Variants in DISC1 observed in about 807,000 individuals in gnomAD.
DISC1 encodes the protein disrupted in schizophrenia 1 protein.
Under a neutral mutation model 84.5 loss-of-function variants are expected in DISC1, and 57 were observed. The observed-to-expected ratio is 0.67, with a 90% CI of 0.55 to 0.84. The LOEUF is 0.84. Ranked by LOEUF, DISC1 falls within the 40% of genes least tolerant of loss-of-function variation. The probability of loss-of-function intolerance (pLI) is 0.00; values close to 1 mark genes in which losing one functional copy is unlikely to be tolerated. For synonymous variants in DISC1, 411 were observed against 415.2 expected, an observed-to-expected ratio of 0.99 and a Z score of 0.12; for missense variants, 1,000 against 1,057.8, an observed-to-expected ratio of 0.95 and a Z score of 0.76.
At position 231,641,969 on chromosome 1, in the gene DISC1, G is replaced by A. The variant is rs867981961; in HGVS notation, c.67+15035G>A. Among the ~76,000 whole-genome samples, 5 of 152,372 alleles carry A rather than the reference G, an allele frequency of 3.3e-5. No homozygotes were observed. The Middle Eastern group carries it at 0.014, about 415-fold the overall frequency. On this transcript the variant is annotated intron_variant, in intron 1 of 12. Coordinates refer to ENST00000439617, the MANE Select transcript of DISC1 (RefSeq NM_018662.3). ...TGCCTGCACTCCTCAGGCCTTGGGT[G>A]GTCGATGGGACTGGGCGCTGTGGAG...
At chr1:231,720,724 C>G in intron 3 of DISC1, 1 of 708,424 alleles carries the variant, frequency 1.4e-6, no homozygotes, top group Non-Finnish European at 2.1e-6. Flanking sequence ...ATTTTTTTCC[C>G]TTGGGGCTTT....
At position 231,630,325 on chromosome 1, in the gene DISC1, C is replaced by A. The variant is rs1042628665; in HGVS notation, c.67+3391C>A. Reference sequence around the variant, plus strand: ...TCATTAGACCAGAATTAGAATCATTCTTTTTTTTTCTTTTTTTAATTAAAA... The same window carrying A: ...TCATTAGACCAGAATTAGAATCATTATTTTTTTTTCTTTTTTTAATTAAAA... On this transcript the variant is annotated intron_variant, in intron 1 of 12. Transcript: ENST00000439617. The surrounding 1 kb of genome is among the most constrained non-coding windows in gnomAD (Gnocchi z 4.4). Among the ~76,000 whole-genome samples the A allele has an allele frequency of 7.3e-5, 11 of 151,284 alleles. No individual in the cohort carries two copies. Among genetic ancestry groups the A allele is most frequent in the Admixed American group, 2.6e-4 (4 of 15,164 alleles).
intron 9 of DISC1, among the ~76,000 whole-genome samples, chr1:231,875,046 A>G (rs1440093231): frequency 6.6e-6 from 1 of 152,166 alleles, no homozygotes; most frequent in Non-Finnish European, 1.5e-5. Flanking sequence ...CATCATCAGG[A>G]TGTGGCCATC....
intron 10 of DISC1, among the ~76,000 whole-genome samples, chr1:231,969,934 CT>C (rs1273623350): frequency 6.6e-6 from 1 of 152,122 alleles, no homozygotes; most frequent in Non-Finnish European, 1.5e-5. Context: ...TGAGCTCATC[CT>C]TTTTTATGGC....
intron 9 of DISC1, among the ~76,000 whole-genome samples, chr1:231,914,737 G>A (rs1012874625): frequency 6.6e-6 from 1 of 152,022 alleles, no homozygotes; most frequent in Non-Finnish European, 1.5e-5. Flanking sequence ...CTTCCCCCAG[G>A]GTGGGACAGT....
At chr1:231,671,333 T>C (rs1435817778) in intron 1 of DISC1, among the ~76,000 whole-genome samples, 2 of 152,186 alleles carry the variant, frequency 1.3e-5, no homozygotes, top group African/African-American at 2.4e-5. Context: ...TTTGCTATTT[T>C]CTCAAGTTGA....
chr1:232,023,829 A>G (rs962229942), intron 11 of DISC1, among the ~76,000 whole-genome samples: 4 of 151,898 alleles, frequency 2.6e-5, no homozygotes, highest in African/African-American at 9.7e-5. Flanking sequence ...CTAACACTGT[A>G]TGTTTCTCCT....
At chr1:231,948,356 C>A (rs920611619) in intron 9 of DISC1, among the ~76,000 whole-genome samples, 35 of 152,040 alleles carry the variant, frequency 2.3e-4, no homozygotes, top group Non-Finnish European at 4.4e-5. Context: ...ATCACAAGAA[C>A]AGAAAACCAA....
chr1:231,974,977 G>A (rs762065737), intron 10 of DISC1, among the ~76,000 whole-genome samples: 1 of 152,124 alleles, frequency 6.6e-6, no homozygotes. Flanking sequence ...GCACATGCCT[G>A]TAGTCCCAGC....
intron 9 of DISC1, among the ~76,000 whole-genome samples, chr1:231,883,351 C>T (rs920385031): frequency 3.3e-5 from 5 of 152,136 alleles, no homozygotes; most frequent in Non-Finnish European, 5.9e-5. Context: ...CCCTTGCCGT[C>T]GGGAGCTCAC....
chr1:231,874,687 G>A (rs972371798), intron 9 of DISC1, among the ~76,000 whole-genome samples: 14 of 151,590 alleles, frequency 9.2e-5, no homozygotes, highest in Non-Finnish European at 1.5e-4. Flanking sequence ...CGAGGTGGGC[G>A]GATCACGAGG....
chr1:231,724,287 G>T (rs1223244675), intron 3 of DISC1, among the ~76,000 whole-genome samples: 1 of 152,148 alleles, frequency 6.6e-6, no homozygotes, highest in Non-Finnish European at 1.5e-5. Context: ...ATGAAACAGC[G>T]GGGCTCTAGA....
chr1:231,864,145 CTCA>C (rs1180631537), intron 9 of DISC1, among the ~76,000 whole-genome samples: 3 of 152,192 alleles, frequency 2.0e-5, no homozygotes, highest in African/African-American at 7.2e-5. Context: ...ACACATGCAA[CTCA>C]TCATTTATAA....
chr1:231,857,292 G>A (rs1252724144), intron 9 of DISC1, among the ~76,000 whole-genome samples: 1 of 152,216 alleles, frequency 6.6e-6, no homozygotes, highest in African/African-American at 2.4e-5. Flanking sequence ...AGAAATTAAA[G>A]TACTACTCTT....
At chr1:231,872,453 A>G (rs1185481880) in intron 9 of DISC1, among the ~76,000 whole-genome samples, 3 of 152,076 alleles carry the variant, frequency 2.0e-5, no homozygotes, top group Non-Finnish European at 4.4e-5. Flanking sequence ...TCCCTAAAAG[A>G]CCCCACAGTC....
intron 9 of DISC1, 30 bp from the exon 10 acceptor site, chr1:231,958,798 T>C: frequency 6.2e-7 from 1 of 1,607,470 alleles, no homozygotes; most frequent in Non-Finnish European, 8.5e-7. Context: ...TGCAGTTGCA[T>C]TAACTTTGGA....
rs1366165267 is a variant in DISC1, at chr1:231,897,780, G to C, written c.1982-61048G>C. On this transcript the variant is annotated intron_variant, in intron 9 of 12. Transcript: ENST00000439617. This position sits in a 1 kb window ranked among gnomAD's most constrained non-coding sequence, Gnocchi z 4.5. ...ACAGATAGAGCTTTGTCTGTCATTT[G>C]CTCTTTTTGGGTTAGCTTAAGCTAG... Among the ~76,000 whole-genome samples, 3 of 152,134 alleles carry C rather than the reference G, an allele frequency of 2.0e-5. No homozygotes were observed. Among genetic ancestry groups the C allele is most frequent in the Admixed American group, 6.5e-5 (1 of 15,276 alleles).
intron 3 of DISC1, among the ~76,000 whole-genome samples, chr1:231,726,758 A>C (rs1036130771): frequency 2.1e-4 from 32 of 152,356 alleles, no homozygotes; most frequent in African/African-American, 7.0e-4. Context: ...CATGCTGCTT[A>C]ACTGCTCTGT....
intron 3 of DISC1, among the ~76,000 whole-genome samples, chr1:231,722,107 C>G (rs188430533): frequency 6.8e-6 from 1 of 146,680 alleles, no homozygotes; most frequent in African/African-American, 2.5e-5. Context: ...GAGCCAAGAT[C>G]GCGCCACTGC....
Sources: gnomAD v4.1 joint callset for allele counts (sites outside exome capture counted in the v4.1 genomes callset) on GRCh38, gnomAD v4.1.1 for gene constraint, Gnocchi (gnomAD v3.1) non-coding constraint, MANE v1.5 for transcripts, NCBI Gene and HGNC (gene_info 2026-07-23, HGNC 2026-07-21) for gene names.